The following ANKRD16 variants were observed in gnomAD, a reference collection of about 807,000 sequenced individuals.
ANKRD16 encodes ankyrin repeat domain-containing protein 16.
In ANKRD16, 35 loss-of-function variants were observed where a neutral mutation model predicts 37.9. The observed-to-expected ratio is 0.92, with a 90% CI of 0.71 to 1.23. The LOEUF (loss-of-function observed/expected upper bound fraction) is 1.23, where lower values mean the gene tolerates loss of function less well. ANKRD16 is among the 50% of genes most tolerant of loss of function. The pLI, the probability that ANKRD16 is intolerant of heterozygous loss-of-function variation, is 0.00. For synonymous variants in ANKRD16, 206 were observed against 197.2 expected (o/e 1.04, Z -0.37); for missense variants, 480 against 469.9 (o/e 1.02, Z -0.20).
intron 3 of ANKRD16, among the ~76,000 whole-genome samples, chr10:5,885,337 C>G (rs188689933): frequency 0.021 from 3,185 of 152,144 alleles, 105 homozygotes; most frequent in African/African-American, 0.072. Context: ...CCCGCCACCA[C>G]GCCCGGCTAA....
rs1172345534 is a variant in ANKRD16, at chr10:5,889,642, A to T, written c.-288T>A. On this transcript the variant is annotated 5_prime_UTR_variant, in exon 1 of 8. Coordinates refer to ENST00000380094, the MANE Select transcript of ANKRD16 (RefSeq NM_019046.3). ...CGGGGCGGTTTTTCCTCAGGGACGG[A>T]GCGGTCCGGGATGAGCACGGAGGGG... 1 of 194,002 alleles carries T rather than the reference A, an allele frequency of 5.2e-6. No individual in the cohort carries two copies. The highest frequency in any genetic ancestry group is 1.0e-5 in the Non-Finnish European group (1 of 96,096). The allele number at this position is 194,002 out of a possible 1,614,324, so 12.0% of individuals were successfully genotyped here. A position where few individuals can be genotyped will look rare whatever the true frequency, so the allele number is the denominator to read the frequency against.
rs561987477 is a variant in ANKRD16, at chr10:5,879,976, T to C, written c.928+322A>G. ...GAGTTCAAGACCAGCCTGGCCAACATAGGGAAACCCCATCTGTACTAAAAA... is the reference window on the plus strand; with the variant it reads ...GAGTTCAAGACCAGCCTGGCCAACACAGGGAAACCCCATCTGTACTAAAAA... On this transcript the variant is annotated intron_variant, in intron 6 of 7. Coordinates refer to ENST00000380094, the MANE Select transcript of ANKRD16 (RefSeq NM_019046.3). 2.4e-4 allele frequency among the ~76,000 whole-genome samples: 36 copies of C among 151,990 alleles called. No homozygotes were observed. The South Asian group carries it at 4.6e-3, about 19-fold the overall frequency.
Position 5,869,807 on chromosome 10 carries a change from T to C in ANKRD16, c.*34-7116A>G, listed in dbSNP as rs1223143252. Among the ~76,000 whole-genome samples, 2 of 152,042 alleles carry C rather than the reference T, an allele frequency of 1.3e-5. No individual in the cohort carries two copies. Among genetic ancestry groups the C allele is most frequent in the East Asian group, 1.9e-4 (1 of 5,188 alleles). On this transcript the variant is annotated intron_variant, in intron 7 of 7. Coordinates refer to ENST00000380094, the MANE Select transcript of ANKRD16 (RefSeq NM_019046.3). The surrounding 1 kb of genome is among the most constrained non-coding windows in gnomAD (Gnocchi z 4.0). The stretch of plus-strand genomic sequence containing the variant: ...GGTGGGTGGGAATCTGCATCTTTAA[T>C]AGTTTCTAATTTCAACTTTTATTTT...
chr10:5,883,851 G>C, intron 4 of ANKRD16, 118 bp downstream of exon 4: 1 of 780,546 alleles, frequency 1.3e-6, no homozygotes, highest in South Asian at 1.8e-5. Flanking sequence ...TCCAGAGAGA[G>C]AGTTTGGAGG....
intron 3 of ANKRD16, among the ~76,000 whole-genome samples, chr10:5,885,054 C>T (rs552315470): frequency 1.3e-5 from 2 of 152,362 alleles, no homozygotes; most frequent in Admixed American, 6.5e-5. Flanking sequence ...TTGTAATGCA[C>T]AACAGACTTT....
In ANKRD16 at chr10:5,880,248, G is replaced by A. The variant is rs370407089; in HGVS notation, c.928+50C>T. On this transcript the variant is annotated intron_variant, in intron 6 of 7. Transcript: ENST00000380094. ...TTGTTTTAAATATAAAAGTGTATTG[G>A]TTATACTCAGTTTACTAATTTCCAA... is the stretch of plus-strand genomic sequence containing the variant. The A allele has an allele frequency of 7.8e-5, 67 of 861,674 alleles. No individual in the cohort carries two copies. In the African/African-American group the frequency reaches 1.1e-3, roughly 14 times the overall value. 53.4% of individuals were successfully genotyped at this position (861,674 alleles called of 1,614,324 possible). A position where few individuals can be genotyped will look rare whatever the true frequency, so the allele number is the denominator to read the frequency against.
rs55672822 is a variant in ANKRD16 at position 5,878,785 on chromosome 10, CAAA to C, written c.929-501_929-499del. On this transcript the variant is annotated intron_variant, in intron 6 of 7. Transcript: ENST00000380094. This position sits in a 1 kb window ranked among gnomAD's most constrained non-coding sequence, Gnocchi z 5.1. ...TGGGTGACAGAGCAAGACTCTGCCT[CAAA>C]AAAAAAAAAAAAAGAAAAAGAAACT... 2.6e-4 allele frequency among the ~76,000 whole-genome samples: 32 copies of C among 121,274 alleles called. No individual in the cohort carries two copies. The highest frequency in any genetic ancestry group is 2.5e-4 in the Admixed American group (3 of 12,128). The allele number at this position is 121,274 out of a possible 152,430, so 79.6% of individuals were successfully genotyped here. A position where few individuals can be genotyped will look rare whatever the true frequency, so the allele number is the denominator to read the frequency against.
chr10:5,863,414 T>G lies in ANKRD16; in HGVS notation c.*34-723A>C, dbSNP rs1460588214. Among the ~76,000 whole-genome samples, 1 of 152,028 alleles carries G rather than the reference T, an allele frequency of 6.6e-6. No homozygotes were observed. Among genetic ancestry groups the G allele is most frequent in the Non-Finnish European group, 1.5e-5 (1 of 68,026 alleles). On this transcript the variant is annotated intron_variant, in intron 7 of 7. Transcript: ENST00000380094. The surrounding 1 kb of genome is among the most constrained non-coding windows in gnomAD (Gnocchi z 4.7). ...GAACTTTTCTGTGTAGCTAAAGGATTGTAAATGCACCAATCAGCACTCTGT... is the reference window on the plus strand; with the variant it reads ...GAACTTTTCTGTGTAGCTAAAGGATGGTAAATGCACCAATCAGCACTCTGT...
intron 4 of ANKRD16, among the ~76,000 whole-genome samples, chr10:5,883,416 C>T (rs1023582747): frequency 3.3e-5 from 5 of 152,182 alleles, no homozygotes; most frequent in African/African-American, 9.7e-5. Context: ...TTGGTTCAAG[C>T]GAGTCTCTTG....
intron 7 of ANKRD16, among the ~76,000 whole-genome samples, chr10:5,872,803 C>G (rs182673444): frequency 3.5e-3 from 533 of 151,628 alleles, no homozygotes; most frequent in Non-Finnish European, 4.3e-3. Context: ...TGATCTGCCC[C>G]CCTTGGCCTC....
At position 5,885,759 on chromosome 10, in the gene ANKRD16, T is replaced by C. The variant is rs771651590; in HGVS notation, c.542A>G (p.His181Arg). 56 of 1,603,726 alleles carry C rather than the reference T, an allele frequency of 3.5e-5. 1 individual carries two copies. The Admixed American group carries it at 9.8e-4, about 28-fold the overall frequency. ...RRTPLHTAAM[H>R]GHLEAVKVLL... ...CACCTTGACTGCCTCCAAATGGCCA[T>C]GCATTGCTGGGAGGAGAAAGAAAGC... The change falls in exon 3 of 8, where the codon CAT (histidine) becomes CGT (arginine). Residue 181 changes from histidine to arginine, a missense_variant. Transcript: ENST00000380094.
chr10:5,888,750 C>T (rs541179356), intron 1 of ANKRD16, among the ~76,000 whole-genome samples: 19 of 152,346 alleles, frequency 1.2e-4, no homozygotes, highest in African/African-American at 4.1e-4. Context: ...AGTGCACACA[C>T]TTCATTGTTT....
Position 5,871,953 on chromosome 10 carries a change from C to A in ANKRD16, c.*33+6144G>T, listed in dbSNP as rs369096246. Reference sequence around the variant, plus strand: ...GCAGCCCATATCTCCCACCCACTCGCATGGCCCAACCTCCAGTGATCAAAT... The same window carrying A: ...GCAGCCCATATCTCCCACCCACTCGAATGGCCCAACCTCCAGTGATCAAAT... On this transcript the variant is annotated intron_variant, in intron 7 of 7. Coordinates refer to ENST00000380094, the MANE Select transcript of ANKRD16 (RefSeq NM_019046.3). This position sits in a 1 kb window ranked among gnomAD's most constrained non-coding sequence, Gnocchi z 4.5. Among the ~76,000 whole-genome samples, 3 of 152,292 alleles carry A rather than the reference C, an allele frequency of 2.0e-5. No individual in the cohort carries two copies. The highest frequency in any genetic ancestry group is 7.2e-5 in the African/African-American group (3 of 41,558).
intron 5 of ANKRD16, chr10:5,881,055 T>G (rs1842293544): frequency 2.2e-6 from 1 of 460,452 alleles, no homozygotes; most frequent in African/African-American, 2.1e-5. Flanking sequence ...TGTCTCAGCC[T>G]CCCAAAGTGT....
Position 5,883,998 on chromosome 10 carries a change from C to T in ANKRD16, c.658G>A (p.Val220Ile), listed in dbSNP as rs142407851. ...TGTTCATCGAGGAGCAGCCTAGCGA[C>T]GTCGATGTGCCCACACTGGATTGCG... Reference protein sequence around the residue: ...MDAIQCGHIDVARLLLDEHGA... With the variant: ...MDAIQCGHIDIARLLLDEHGA... Residue 220 changes from valine to isoleucine, a missense_variant, in exon 4 of 8, where the codon GTC (valine) becomes ATC (isoleucine). Coordinates refer to ENST00000380094, the MANE Select transcript of ANKRD16 (RefSeq NM_019046.3). 1.3e-5 allele frequency: 21 copies of T among 1,614,022 alleles called. No homozygotes were observed. The highest frequency in any genetic ancestry group is 4.0e-5 in the African/African-American group (3 of 74,946).
rs1233046245 is a variant in ANKRD16 at position 5,870,319 on chromosome 10, G to A, written c.*34-7628C>T. Among the ~76,000 whole-genome samples the A allele has an allele frequency of 1.3e-5, 2 of 151,772 alleles. No individual in the cohort carries two copies. Among genetic ancestry groups the A allele is most frequent in the African/African-American group, 4.8e-5 (2 of 41,322 alleles). The stretch of plus-strand genomic sequence containing the variant: ...CTTCGCAGGGGCCCCCAGTGCACCC[G>A]CACAGTGAGGTCAGCGTTGGCTCTT... On this transcript the variant is annotated intron_variant, in intron 7 of 7. Transcript: ENST00000380094. This position sits in a 1 kb window ranked among gnomAD's most constrained non-coding sequence, Gnocchi z 5.0.
chr10:5,887,704 C>CCCCT (rs1009286157), intron 2 of ANKRD16, 143 bp downstream of exon 2: 1 of 145,376 alleles, frequency 6.9e-6, no homozygotes, highest in Non-Finnish European at 1.4e-5. Context: ...CACCCCCTCC[C>CCCCT]CCCCAGATGT....
rs534831212 is a variant in ANKRD16, at chr10:5,871,141, C to T, written c.*33+6956G>A. 6.6e-6 allele frequency among the ~76,000 whole-genome samples: 1 copy of T among 152,234 alleles called. No homozygotes were observed. Among genetic ancestry groups the T allele is most frequent in the South Asian group, 2.1e-4 (1 of 4,826 alleles). On this transcript the variant is annotated intron_variant, in intron 7 of 7. Transcript: ENST00000380094. This position sits in a 1 kb window ranked among gnomAD's most constrained non-coding sequence, Gnocchi z 4.5. ...GTGGTTCACGCCTGTAATCCCAGCA[C>T]TTTGGGAGGCCAAGGTGGGCGGATC...
In ANKRD16 at chr10:5,864,606, G is replaced by A. The variant is rs1297499677; in HGVS notation, c.*34-1915C>T. Among the ~76,000 whole-genome samples, 1 of 152,138 alleles carries A rather than the reference G, an allele frequency of 6.6e-6. No homozygotes were observed. The highest frequency in any genetic ancestry group is 1.5e-5 in the Non-Finnish European group (1 of 68,044). Reference sequence around the variant, plus strand: ...GAATGCGGCTTTAGCTGCAGCCCGAGAGTTTGGAGATACCTGGAATCTTAG... The same window carrying A: ...GAATGCGGCTTTAGCTGCAGCCCGAAAGTTTGGAGATACCTGGAATCTTAG... On this transcript the variant is annotated intron_variant, in intron 7 of 7. Transcript: ENST00000380094. The surrounding 1 kb of genome is among the most constrained non-coding windows in gnomAD (Gnocchi z 4.4).
Sources: allele counts gnomAD v4.1 joint callset (sites outside exome capture counted in the v4.1 genomes callset), GRCh38; gene constraint gnomAD v4.1.1; non-coding constraint Gnocchi (gnomAD v3.1); transcripts MANE v1.5; gene names NCBI Gene and HGNC (gene_info 2026-07-23, HGNC 2026-07-21).